GPC5: variants seen among roughly 807,000 people sequenced by gnomAD.
The protein encoded by GPC5 is glypican 5.
A neutral mutation model predicts 53.9 loss-of-function variants in GPC5; 47 were observed. The observed-to-expected ratio is 0.87, with a 90% CI of 0.69 to 1.11. GPC5 has a LOEUF of 1.11. Among genes scored for constraint, GPC5 ranks in the 50% most tolerant of loss-of-function variants. GPC5 has a pLI of 0.00. For synonymous variants in GPC5, 286 were observed against 263.3 expected (o/e 1.09, Z -0.84); for missense variants, 748 against 713.1 (o/e 1.05, Z -0.56).
At chr13:92,264,726 T>C (rs1235179349) in intron 7 of GPC5, among the ~76,000 whole-genome samples, 1 of 152,084 alleles carries the variant, frequency 6.6e-6, no homozygotes, top group Non-Finnish European at 1.5e-5. Context: ...TTTCCAATAA[T>C]ATGGATTTTT....
chr13:92,572,485 G>C (rs1007318323), intron 7 of GPC5, among the ~76,000 whole-genome samples: 1 of 152,102 alleles, frequency 6.6e-6, no homozygotes, highest in African/African-American at 2.4e-5. Context: ...GGTGACCCTG[G>C]CCTCTTGATA....
At chr13:91,902,519 G>T (rs2039507562) in intron 5 of GPC5, among the ~76,000 whole-genome samples, 1 of 151,876 alleles carries the variant, frequency 6.6e-6, no homozygotes, top group Non-Finnish European at 1.5e-5. Context: ...AAGCACAGAT[G>T]GTGGGTCTAT....
At chr13:92,110,545 A>G (rs2041549070) in intron 6 of GPC5, among the ~76,000 whole-genome samples, 1 of 152,068 alleles carries the variant, frequency 6.6e-6, no homozygotes, top group South Asian at 2.1e-4. Flanking sequence ...AAAAAGACCC[A>G]CAGATATCTT....
chr13:91,802,583 G>A (rs1177285936), intron 5 of GPC5, among the ~76,000 whole-genome samples: 1 of 152,104 alleles, frequency 6.6e-6, no homozygotes, highest in Non-Finnish European at 1.5e-5. Flanking sequence ...CTGCTGATTG[G>A]TCCATTTTAC....
At chr13:91,525,169 A>G (rs537103393) in intron 2 of GPC5, among the ~76,000 whole-genome samples, 1 of 152,324 alleles carries the variant, frequency 6.6e-6, no homozygotes, top group Non-Finnish European at 1.5e-5. Context: ...TTGGAAATAG[A>G]AAGTCCATAA....
chr13:91,490,122 A>G (rs1883857544), intron 2 of GPC5, among the ~76,000 whole-genome samples: 1 of 152,096 alleles, frequency 6.6e-6, no homozygotes, highest in Non-Finnish European at 1.5e-5. Flanking sequence ...TGTGTAAATC[A>G]GAACATTTAT....
At chr13:92,522,919 T>C (rs1380613406) in intron 7 of GPC5, among the ~76,000 whole-genome samples, 2 of 152,062 alleles carry the variant, frequency 1.3e-5, no homozygotes, top group Admixed American at 1.3e-4. Context: ...TTTCAAAAAA[T>C]AAATGTTTTT....
At chr13:92,217,847 A>G (rs1480802367) in intron 7 of GPC5, among the ~76,000 whole-genome samples, 2 of 150,886 alleles carry the variant, frequency 1.3e-5, no homozygotes, top group African/African-American at 4.9e-5. Flanking sequence ...ATAATACAAC[A>G]TGGAGAACAC....
rs9583941 is a variant in GPC5 at position 91,530,217 on chromosome 13, C to A, written c.325+81295C>A. 7.3e-3 allele frequency among the ~76,000 whole-genome samples: 1,116 copies of A among 152,282 alleles called. 15 individuals are homozygous for A. The highest frequency in any genetic ancestry group is 0.026 in the African/African-American group (1,084 of 41,548). ...AGATCATCATTACTCTTCACTTAAA[C>A]AGTGATTCTGTTATGCAGTCATGTT... is the stretch of plus-strand genomic sequence containing the variant. On this transcript the variant is annotated intron_variant, in intron 2 of 7. Transcript: ENST00000377067.
chr13:92,331,142 C>T (rs944745301), intron 7 of GPC5, among the ~76,000 whole-genome samples: 2 of 152,112 alleles, frequency 1.3e-5, no homozygotes, highest in Non-Finnish European at 2.9e-5. Flanking sequence ...TATCTCTGCT[C>T]AGTCTTGAGT....
intron 7 of GPC5, among the ~76,000 whole-genome samples, chr13:92,476,624 G>A (rs1879142946): frequency 6.7e-6 from 1 of 149,114 alleles, no homozygotes; most frequent in Non-Finnish European, 1.5e-5. Context: ...ATTCACAATA[G>A]CAAAGACTTG....
chr13:92,596,981 G>A (rs1022335730), intron 7 of GPC5, among the ~76,000 whole-genome samples: 3 of 152,104 alleles, frequency 2.0e-5, no homozygotes, highest in Non-Finnish European at 2.9e-5. Flanking sequence ...GCTATGATAC[G>A]GAGAGACAAG....
chr13:92,264,978 A>T (rs1421685529), intron 7 of GPC5, among the ~76,000 whole-genome samples: 7 of 150,798 alleles, frequency 4.6e-5, no homozygotes, highest in African/African-American at 1.5e-4. Context: ...TAGAGAGCAG[A>T]GATTTGAGGC....
chr13:92,284,699 T>G (rs2042941177), intron 7 of GPC5, among the ~76,000 whole-genome samples: 1 of 152,184 alleles, frequency 6.6e-6, no homozygotes, highest in African/African-American at 2.4e-5. Flanking sequence ...CAGCCCTTCA[T>G]GCTAAAAACT....
intron 4 of GPC5, among the ~76,000 whole-genome samples, chr13:91,756,074 T>TTA (rs1566663081): frequency 1.0e-3 from 22 of 21,758 alleles, no homozygotes; most frequent in Non-Finnish European, 6.3e-4. Flanking sequence ...GCTTTTTTTT[T>TTA]GAAAAAAAAA....
chr13:91,455,555 A>G (rs1325125816), intron 2 of GPC5, among the ~76,000 whole-genome samples: 1 of 152,166 alleles, frequency 6.6e-6, no homozygotes, highest in South Asian at 2.1e-4. Flanking sequence ...TAGAGGATGT[A>G]TACCATGTTG....
At chr13:91,905,534 A>G (rs1314213904) in intron 5 of GPC5, among the ~76,000 whole-genome samples, 2 of 152,092 alleles carry the variant, frequency 1.3e-5, no homozygotes, top group South Asian at 2.1e-4. Flanking sequence ...AATGGATAGT[A>G]TCATTATCAA....
At chr13:91,793,310 A>G (rs1388694024) in intron 5 of GPC5, among the ~76,000 whole-genome samples, 2 of 152,122 alleles carry the variant, frequency 1.3e-5, no homozygotes, top group Non-Finnish European at 2.9e-5. Context: ...AACCGCCCCC[A>G]TGATTCAGTT....
At chr13:92,035,270 T>C (rs577406004) in intron 6 of GPC5, among the ~76,000 whole-genome samples, 1 of 151,624 alleles carries the variant, frequency 6.6e-6, no homozygotes, top group African/African-American at 2.4e-5. Context: ...TGTTCCAAGA[T>C]GACACGGGGC....
Sources: gnomAD v4.1 joint callset for allele counts (sites outside exome capture counted in the v4.1 genomes callset) on GRCh38, gnomAD v4.1.1 for gene constraint, MANE v1.5 for transcripts, NCBI Gene and HGNC (gene_info 2026-07-23, HGNC 2026-07-21) for gene names.